The following SLC23A2 variants were observed in gnomAD, a reference collection of about 807,000 sequenced individuals.
SLC23A2 encodes the protein Na(+)/L-ascorbic acid transporter 2.
Under a neutral mutation model 73.3 loss-of-function variants are expected in SLC23A2, and 36 were observed. That is an observed-to-expected ratio of 0.49 (90% confidence interval 0.38 to 0.65). The LOEUF is 0.65. Among genes scored for constraint, SLC23A2 ranks in the 30% least tolerant of loss-of-function variants. SLC23A2 has a pLI of 0.00. For synonymous variants in SLC23A2, 343 were observed against 327.3 expected (o/e 1.05, Z -0.52); for missense variants, 507 against 841.6 (o/e 0.60, Z 4.92).
intron 3 of SLC23A2, among the ~76,000 whole-genome samples, chr20:4,925,888 A>G (rs1434314167): frequency 6.6e-6 from 1 of 151,992 alleles, no homozygotes; most frequent in East Asian, 1.9e-4. Flanking sequence ...ACCCTACAAC[A>G]CGACTGGGCA....
chr20:4,999,760 G>A (rs540426102), intron 1 of SLC23A2, among the ~76,000 whole-genome samples: 69 of 152,054 alleles, frequency 4.5e-4, no homozygotes, highest in Admixed American at 3.9e-3. Context: ...TTAATTGACC[G>A]TGCCACAGTC....
At chr20:4,929,617 A>G (rs946734767) in intron 3 of SLC23A2, among the ~76,000 whole-genome samples, 1 of 152,254 alleles carries the variant, frequency 6.6e-6, no homozygotes, top group Non-Finnish European at 1.5e-5. Context: ...AGGGTTCCCA[A>G]TGATTTAAAT....
chr20:5,000,907 T>C (rs1479765134), intron 1 of SLC23A2, among the ~76,000 whole-genome samples: 3 of 152,016 alleles, frequency 2.0e-5, no homozygotes, highest in Admixed American at 1.3e-4. Context: ...AGCAAGAATG[T>C]AAAAGGCACC....
chr20:4,974,950 C>T (rs2087620584), intron 1 of SLC23A2, among the ~76,000 whole-genome samples: 2 of 152,184 alleles, frequency 1.3e-5, no homozygotes, highest in Admixed American at 1.3e-4. Context: ...CCACACCTGG[C>T]TAATTTTTGT....
intron 3 of SLC23A2, among the ~76,000 whole-genome samples, chr20:4,922,062 T>C (rs1041890500): frequency 2.6e-5 from 4 of 152,176 alleles, no homozygotes; most frequent in Admixed American, 6.5e-5. Flanking sequence ...TTTTCTCCAA[T>C]AGAATTATGG....
chr20:4,897,551 A>C (rs1413299014), intron 6 of SLC23A2, among the ~76,000 whole-genome samples: 1 of 152,190 alleles, frequency 6.6e-6, no homozygotes, highest in Non-Finnish European at 1.5e-5. Context: ...CCATCCCAGT[A>C]GGGTGTCAAA....
Position 4,874,099 on chromosome 20 carries a change from T to A in SLC23A2, c.946-7A>T. ...CCAGGATGGCCAGGATGATCTGGAG[T>A]GGTCAAGGGGAAGCTCTGTCAGGCC... On this transcript the variant is annotated splice_polypyrimidine_tract_variant and splice_region_variant and intron_variant, in intron 10 of 16. Transcript: ENST00000338244. 2 of 1,610,208 alleles carry A rather than the reference T, an allele frequency of 1.2e-6. No homozygotes were observed. Among genetic ancestry groups the A allele is most frequent in the Non-Finnish European group, 8.5e-7 (1 of 1,178,528 alleles).
chr20:4,880,799 C>T (rs561276043), intron 9 of SLC23A2, among the ~76,000 whole-genome samples: 18 of 151,996 alleles, frequency 1.2e-4, no homozygotes, highest in African/African-American at 3.9e-4. Flanking sequence ...GCAGACCCAC[C>T]GAGGGCAGCA....
intron 7 of SLC23A2, among the ~76,000 whole-genome samples, chr20:4,885,100 A>T (rs1292756482): frequency 2.6e-5 from 4 of 152,210 alleles, no homozygotes; most frequent in Non-Finnish European, 5.9e-5. Context: ...TCACACAAAA[A>T]AACCAACCTT....
In SLC23A2 at chr20:4,863,574, C is replaced by G. The variant is rs1930072456; in HGVS notation, c.1357-667G>C. Among the ~76,000 whole-genome samples, 1 of 152,238 alleles carries G rather than the reference C, an allele frequency of 6.6e-6. No individual in the cohort carries two copies. ...CACGCACTGAGCCATCTGAGAGCCGCCCACATGGGCCTGCTGCCACTGGCC... is the reference window on the plus strand; with the variant it reads ...CACGCACTGAGCCATCTGAGAGCCGGCCACATGGGCCTGCTGCCACTGGCC... On this transcript the variant is annotated intron_variant, in intron 13 of 16. Coordinates refer to ENST00000338244, the MANE Select transcript of SLC23A2 (RefSeq NM_005116.6). This position sits in a 1 kb window ranked among gnomAD's most constrained non-coding sequence, Gnocchi z 4.8.
chr20:4,990,377 TG>T (rs202169359), intron 1 of SLC23A2, among the ~76,000 whole-genome samples: 1,914 of 151,812 alleles, frequency 0.013, 37 homozygotes, highest in African/African-American at 0.042. Flanking sequence ...TTTTATTTTA[TG>T]GTTTTTTTTG....
At chr20:4,975,521 C>T (rs749302048) in intron 1 of SLC23A2, among the ~76,000 whole-genome samples, 7 of 151,782 alleles carry the variant, frequency 4.6e-5, no homozygotes, top group South Asian at 2.1e-4. Flanking sequence ...GCTGGGATTA[C>T]GTGCACGCAC....
intron 13 of SLC23A2, 122 bp downstream of exon 13, chr20:4,867,648 A>AAAT: frequency 4.7e-6 from 2 of 426,844 alleles, no homozygotes; most frequent in Middle Eastern, 4.7e-4. Flanking sequence ...AAAAAAAAAA[A>AAAT]GGAGAGAAGT....
intron 1 of SLC23A2, among the ~76,000 whole-genome samples, chr20:4,976,161 C>CA (rs2087642255): frequency 6.7e-6 from 1 of 148,416 alleles, no homozygotes; most frequent in Non-Finnish European, 1.5e-5. Context: ...CCAAGAGTTT[C>CA]TTTTTTTTTT....
chr20:4,996,859 G>A (rs922589625), intron 1 of SLC23A2, among the ~76,000 whole-genome samples: 1 of 151,902 alleles, frequency 6.6e-6, no homozygotes, highest in Admixed American at 6.6e-5. Flanking sequence ...TCGAAAATTG[G>A]GACAAAGGAC....
At chr20:4,983,687 C>T (rs867136643) in intron 1 of SLC23A2, among the ~76,000 whole-genome samples, 5 of 140,000 alleles carry the variant, frequency 3.6e-5, no homozygotes, top group East Asian at 2.2e-4. Flanking sequence ...AGGCCAGGTT[C>T]GGCTCACACC....
chr20:4,873,236 T>C (rs1184851493), intron 11 of SLC23A2, among the ~76,000 whole-genome samples: 3 of 152,112 alleles, frequency 2.0e-5, no homozygotes, highest in Admixed American at 1.3e-4. Flanking sequence ...GGGAAAGAAG[T>C]GGGCTGAACC....
intron 1 of SLC23A2, among the ~76,000 whole-genome samples, chr20:5,000,762 G>T (rs1293699760): frequency 6.6e-6 from 1 of 152,152 alleles, no homozygotes; most frequent in Non-Finnish European, 1.5e-5. Context: ...AGTCACACTC[G>T]AAATGTCATT....
chr20:4,859,129 G>A (rs1170608622), intron 16 of SLC23A2, among the ~76,000 whole-genome samples, 160 bp downstream of exon 16: 2 of 152,120 alleles, frequency 1.3e-5, no homozygotes, highest in African/African-American at 4.8e-5. Flanking sequence ...CATACATGGA[G>A]GCTGGGAGTG....
Sources: gnomAD v4.1 joint callset for allele counts (sites outside exome capture counted in the v4.1 genomes callset) on GRCh38, gnomAD v4.1.1 for gene constraint, Gnocchi (gnomAD v3.1) non-coding constraint, MANE v1.5 for transcripts, NCBI Gene and HGNC (gene_info 2026-07-23, HGNC 2026-07-21) for gene names.